PEX13: variants seen among roughly 807,000 people sequenced by gnomAD.
PEX13 encodes the protein peroxisomal biogenesis factor 13.
PEX13 carries 28 observed loss-of-function variants against 34.5 expected under a neutral mutation model. That is an observed-to-expected ratio of 0.81 (90% CI 0.60 to 1.11). The LOEUF is 1.11. Among genes scored for constraint, PEX13 ranks in the 50% most tolerant of loss-of-function variants. PEX13 has a pLI of 0.00. For synonymous variants in PEX13, 177 were observed against 175.1 expected, an observed-to-expected ratio of 1.01 and a Z score of -0.09; for missense variants, 550 against 491.0, an observed-to-expected ratio of 1.12 and a Z score of -1.13.
intron 2 of PEX13, among the ~76,000 whole-genome samples, chr2:61,035,827 T>C (rs1260458991): frequency 5.3e-5 from 8 of 151,840 alleles, no homozygotes; most frequent in Non-Finnish European, 1.0e-4. Context: ...CTACTAAAAA[T>C]ACAAAATTAG....
At chr2:61,018,301 G>C in intron 1 of PEX13, 1 of 1,549,608 alleles carries the variant, frequency 6.5e-7, no homozygotes, top group Admixed American at 2.0e-5. Context: ...AGCCGGAAAG[G>C]TTTTACGCAA....
intron 2 of PEX13, among the ~76,000 whole-genome samples, chr2:61,035,981 C>A (rs1444644036): frequency 1.3e-4 from 17 of 126,396 alleles, no homozygotes; most frequent in African/African-American, 4.5e-4. Flanking sequence ...GAAACTCCAT[C>A]TTAAAAAAAA....
chr2:61,030,983 A>G (rs1160109099), intron 1 of PEX13, among the ~76,000 whole-genome samples: 2 of 152,172 alleles, frequency 1.3e-5, no homozygotes, highest in African/African-American at 4.8e-5. Flanking sequence ...ACTAAAACCT[A>G]TTAAATTTTA....
intron 2 of PEX13, among the ~76,000 whole-genome samples, chr2:61,035,096 C>T (rs1680514555): frequency 2.6e-5 from 4 of 152,306 alleles, no homozygotes; most frequent in Admixed American, 2.6e-4. Context: ...CAGGCGGGTG[C>T]CCTTCTGGGA....
intron 2 of PEX13, 67 bp from the exon 3 acceptor site, chr2:61,045,659 T>C: frequency 2.1e-6 from 3 of 1,433,538 alleles, no homozygotes; most frequent in East Asian, 2.3e-5. Flanking sequence ...TTGCAAGCCA[T>C]AGCCAGTGAA....
At chr2:61,034,476 C>T (rs528416171) in intron 2 of PEX13, among the ~76,000 whole-genome samples, 1 of 152,334 alleles carries the variant, frequency 6.6e-6, no homozygotes, top group East Asian at 1.9e-4. Context: ...GTACAGCCCA[C>T]AGAGGGCGAG....
intron 3 of PEX13, among the ~76,000 whole-genome samples, chr2:61,047,442 C>G (rs989155590): frequency 2.0e-5 from 3 of 152,170 alleles, no homozygotes. Flanking sequence ...ATGTGTACCA[C>G]CACGCTGGGC....
At position 61,031,840 on chromosome 2, in the gene PEX13, A is replaced by C; in HGVS notation, c.514A>C (p.Lys172Gln). The change falls in exon 2 of 4, where the codon AAA (lysine) becomes CAA (glutamine). Residue 172 changes from lysine (K) to glutamine (Q), a missense_variant. Transcript: ENST00000295030. ...TGTAGCAAATCACTTTTCCCGATTG[A>C]AAATACACTTTACAAAAGTGTTTTC... ...LDVANHFSRL[K>Q]IHFTKVFSAF... 1 of 1,613,370 alleles carries C rather than the reference A, an allele frequency of 6.2e-7. No homozygotes were observed. The highest frequency in any genetic ancestry group is 1.3e-5 in the African/African-American group (1 of 75,036).
At chr2:61,024,118 T>C (rs911124476) in intron 1 of PEX13, among the ~76,000 whole-genome samples, 1 of 152,156 alleles carries the variant, frequency 6.6e-6, no homozygotes, top group Non-Finnish European at 1.5e-5. Context: ...TATTCTTTGC[T>C]CCTTTAAAAA....
chr2:61,033,128 C>T (rs953003827), intron 2 of PEX13, among the ~76,000 whole-genome samples: 3 of 152,080 alleles, frequency 2.0e-5, no homozygotes, highest in African/African-American at 7.2e-5. Context: ...GAAGTCAGCA[C>T]GTTGTAATTA....
Position 61,035,478 on chromosome 2 carries a change from A to G in PEX13, c.787+3365A>G, listed in dbSNP as rs555587983. Among the ~76,000 whole-genome samples the G allele has an allele frequency of 8.5e-5, 13 of 152,330 alleles. No homozygotes were observed. In the South Asian group the frequency reaches 2.1e-3, roughly 24 times the overall value. ...AGCTGGATGGAGAATGAGTTTGACA[A>G]GTTGACAGAAGTAGGCTTCCAAAGG... On this transcript the variant is annotated intron_variant, in intron 2 of 3. Coordinates refer to ENST00000295030, the MANE Select transcript of PEX13 (RefSeq NM_002618.4).
chr2:61,046,783 G>C (rs949167744), intron 3 of PEX13, among the ~76,000 whole-genome samples: 10 of 152,108 alleles, frequency 6.6e-5, no homozygotes, highest in African/African-American at 2.4e-4. Flanking sequence ...TTTCATGGAA[G>C]GATCTATTTA....
At chr2:61,018,043 C>T in intron 1 of PEX13, 192 bp downstream of exon 1, 1 of 1,452,010 alleles carries the variant, frequency 6.9e-7, no homozygotes, top group Non-Finnish European at 9.2e-7. Flanking sequence ...CTGTTTCTGA[C>T]CCGGCAGCTC....
intron 2 of PEX13, 103 bp from the exon 3 acceptor site, chr2:61,045,623 C>T: frequency 1.0e-6 from 1 of 998,712 alleles, no homozygotes; most frequent in Non-Finnish European, 1.6e-6. Context: ...GAGGGGAGGA[C>T]TTTTCTCTTG....
At chr2:61,018,034 T>A in intron 1 of PEX13, 183 bp downstream of exon 1, 4 of 1,429,236 alleles carry the variant, frequency 2.8e-6, no homozygotes, top group Non-Finnish European at 3.7e-6. Flanking sequence ...GTCTCACAGC[T>A]GTTTCTGACC....
chr2:61,032,911 A>G (rs576770176), intron 2 of PEX13, among the ~76,000 whole-genome samples: 1 of 152,344 alleles, frequency 6.6e-6, no homozygotes, highest in Admixed American at 6.5e-5. Flanking sequence ...TAGTTGTCCT[A>G]TAGTATTGCA....
chr2:61,041,720 GT>G (rs1680628364), intron 2 of PEX13, among the ~76,000 whole-genome samples: 1 of 152,180 alleles, frequency 6.6e-6, no homozygotes, highest in Non-Finnish European at 1.5e-5. Context: ...GAGATTGTCA[GT>G]TTTTTGTTTT....
chr2:61,021,631 T>TA (rs1467884523), intron 1 of PEX13, among the ~76,000 whole-genome samples: 1 of 152,206 alleles, frequency 6.6e-6, no homozygotes. Context: ...TCTGTGGACT[T>TA]AAACGTCCCT....
chr2:61,024,054 C>G (rs967198158), intron 1 of PEX13, among the ~76,000 whole-genome samples: 2 of 152,178 alleles, frequency 1.3e-5, no homozygotes, highest in Non-Finnish European at 2.9e-5. Flanking sequence ...ACCTAGGTCT[C>G]CCAAAGTGCT....
Sources: gnomAD v4.1 joint callset for allele counts (sites outside exome capture counted in the v4.1 genomes callset) on GRCh38, gnomAD v4.1.1 for gene constraint, MANE v1.5 for transcripts, NCBI Gene and HGNC (gene_info 2026-07-23, HGNC 2026-07-21) for gene names.